EPS8: variants seen among roughly 807,000 people sequenced by gnomAD.
EPS8 encodes the protein epidermal growth factor receptor kinase substrate 8.
A neutral mutation model predicts 103.8 loss-of-function variants in EPS8; 42 were observed. That is an observed-to-expected ratio of 0.40 (90% CI 0.32 to 0.52). The LOEUF (loss-of-function observed/expected upper bound fraction) is 0.52. Ranked by LOEUF, EPS8 falls within the 20% of genes least tolerant of loss-of-function variation. The pLI is 0.40. For synonymous variants in EPS8, 344 were observed against 344.6 expected (o/e 1.00, Z 0.02); for missense variants, 969 against 1,005.1 (o/e 0.96, Z 0.49).
intron 1 of EPS8, among the ~76,000 whole-genome samples, chr12:15,719,573 C>T (rs1024815962): frequency 5.3e-5 from 8 of 152,218 alleles, no homozygotes; most frequent in Admixed American, 2.6e-4. Context: ...CAGTGATACA[C>T]TCACATTAAA....
intron 3 of EPS8, among the ~76,000 whole-genome samples, chr12:15,675,252 A>G (rs1945883583): frequency 6.6e-6 from 1 of 152,204 alleles, no homozygotes; most frequent in African/African-American, 2.4e-5. Flanking sequence ...ATAGAAAAAC[A>G]GAAATATATT....
chr12:15,696,901 T>G lies in EPS8; in HGVS notation c.-21-13929A>C, dbSNP rs1946250799. Among the ~76,000 whole-genome samples the G allele has an allele frequency of 6.6e-6, 1 of 151,904 alleles. No homozygotes were observed. Among genetic ancestry groups the G allele is most frequent in the African/African-American group, 2.4e-5 (1 of 41,340 alleles). ...GTTTGGATTAGCAGGGAAGGGAGAG[T>G]GACCAAAGAACCTTCATGTTCCCGG... is the stretch of plus-strand genomic sequence containing the variant. On this transcript the variant is annotated intron_variant, in intron 1 of 20. Transcript: ENST00000281172. The surrounding 1 kb of genome is among the most constrained non-coding windows in gnomAD (Gnocchi z 4.8).
chr12:15,725,348 T>C lies in EPS8; in HGVS notation c.-21-42376A>G, dbSNP rs1946641067. On this transcript the variant is annotated intron_variant, in intron 1 of 20. Coordinates refer to ENST00000281172, the MANE Select transcript of EPS8 (RefSeq NM_004447.6). The surrounding 1 kb of genome is among the most constrained non-coding windows in gnomAD (Gnocchi z 4.5). ...GTAGCTGGTTGCAGTGGCTCACACC[T>C]GTAATCCCAGCTACTTGGGAGGCCG... Among the ~76,000 whole-genome samples the C allele has an allele frequency of 6.6e-6, 1 of 151,856 alleles. No homozygotes were observed. Among genetic ancestry groups the C allele is most frequent in the South Asian group, 2.1e-4 (1 of 4,812 alleles).
intron 15 of EPS8, 57 bp from the exon 16 acceptor site, chr12:15,641,887 A>G (rs1169897578): frequency 1.0e-6 from 1 of 985,574 alleles, no homozygotes; most frequent in Non-Finnish European, 1.5e-6. Context: ...AAGGATAAAA[A>G]TGGAAAACAC....
At chr12:15,786,318 A>G (rs1029322359) in intron 1 of EPS8, among the ~76,000 whole-genome samples, 4 of 152,058 alleles carry the variant, frequency 2.6e-5, no homozygotes, top group African/African-American at 9.7e-5. Context: ...ATGAATTCCA[A>G]TGCAAATGTA....
At position 15,753,027 on chromosome 12, in the gene EPS8, A is replaced by C. The variant is rs76476541; in HGVS notation, c.-22+36134T>G. ...TTAAAGAAATGTGACTCAGGCAGCA[A>C]CTAGATCCTTCAGAAATTAGGATAT... On this transcript the variant is annotated intron_variant, in intron 1 of 20. Coordinates refer to ENST00000281172, the MANE Select transcript of EPS8 (RefSeq NM_004447.6). Among the ~76,000 whole-genome samples the C allele has an allele frequency of 2.0e-3, 306 of 151,842 alleles. 1 individual carries two copies. Among genetic ancestry groups the C allele is most frequent in the Admixed American group, 3.1e-3 (47 of 15,216 alleles).
chr12:15,741,545 C>T (rs1375134545), intron 1 of EPS8, among the ~76,000 whole-genome samples: 1 of 152,146 alleles, frequency 6.6e-6, no homozygotes, highest in Non-Finnish European at 1.5e-5. Flanking sequence ...ATTTATCGAG[C>T]CTGCCCCTGT....
intron 1 of EPS8, among the ~76,000 whole-genome samples, chr12:15,685,417 AC>A (rs1946078850): frequency 6.6e-6 from 1 of 151,904 alleles, no homozygotes; most frequent in African/African-American, 2.4e-5. Context: ...TATAAATTAA[AC>A]CCCCAGGGTT....
intron 1 of EPS8, among the ~76,000 whole-genome samples, chr12:15,758,571 T>C (rs1022696639): frequency 1.1e-4 from 17 of 152,204 alleles, no homozygotes; most frequent in Admixed American, 2.0e-4. Context: ...GTGGCTACCA[T>C]ACTGTACAGC....
rs1188125820 is a variant in EPS8, at chr12:15,784,673, A to G, written c.-22+4488T>C. Among the ~76,000 whole-genome samples the G allele has an allele frequency of 2.0e-5, 3 of 152,178 alleles. No homozygotes were observed. The highest frequency in any genetic ancestry group is 7.2e-5 in the African/African-American group (3 of 41,470). ...CGGATATAAGAACTTATGTCTACCC[A>G]AAAACCTGCATGTGAATATTCATAG... On this transcript the variant is annotated intron_variant, in intron 1 of 20. Coordinates refer to ENST00000281172, the MANE Select transcript of EPS8 (RefSeq NM_004447.6). The surrounding 1 kb of genome is among the most constrained non-coding windows in gnomAD (Gnocchi z 4.0).
rs141402883 is a variant in EPS8, at chr12:15,742,182, A to C, written c.-22+46979T>G. Among the ~76,000 whole-genome samples, 444 of 152,292 alleles carry C rather than the reference A, an allele frequency of 2.9e-3. 15 individuals carry two copies. In the East Asian group the frequency reaches 0.074, roughly 25 times the overall value. On this transcript the variant is annotated intron_variant, in intron 1 of 20. Coordinates refer to ENST00000281172, the MANE Select transcript of EPS8 (RefSeq NM_004447.6). ...AGTGCCGCTATAAACATATGTGTGCATGTGTCTTTATAGCAGCATGATTTA... is the reference window on the plus strand; with the variant it reads ...AGTGCCGCTATAAACATATGTGTGCCTGTGTCTTTATAGCAGCATGATTTA...
chr12:15,726,558 G>A (rs1015681371), intron 1 of EPS8, among the ~76,000 whole-genome samples: 2 of 152,130 alleles, frequency 1.3e-5, no homozygotes, highest in Non-Finnish European at 2.9e-5. Context: ...TGTCTGTGTG[G>A]TGACAGCAAA....
intron 13 of EPS8, among the ~76,000 whole-genome samples, chr12:15,651,242 T>G (rs930061084): frequency 6.6e-6 from 1 of 152,246 alleles, no homozygotes; most frequent in Non-Finnish European, 1.5e-5. Flanking sequence ...TTGCATGATC[T>G]GTTTTCCCAA....
At position 15,669,570 on chromosome 12, in the gene EPS8, C is replaced by T. The variant is rs750127654; in HGVS notation, c.367-34G>A. The T allele has an allele frequency of 2.2e-5, 35 of 1,571,390 alleles. No individual in the cohort carries two copies. The East Asian group carries it at 7.0e-4, about 31-fold the overall frequency. On this transcript the variant is annotated intron_variant, in intron 5 of 20. Coordinates refer to ENST00000281172, the MANE Select transcript of EPS8 (RefSeq NM_004447.6). ...AAAGTGAACATTTTATTTTGTCAAA[C>T]TTCCATCCATTTTCAAACAATCTGA...
chr12:15,763,161 T>A (rs748009218), intron 1 of EPS8, among the ~76,000 whole-genome samples: 1 of 152,134 alleles, frequency 6.6e-6, no homozygotes, highest in Non-Finnish European at 1.5e-5. Flanking sequence ...TATTTTAAAA[T>A]AGATAGGAGT....
At chr12:15,663,938 A>AAAAATAAT (rs1565487206) in intron 8 of EPS8, among the ~76,000 whole-genome samples, 1 of 36,414 alleles carries the variant, frequency 2.7e-5, no homozygotes, top group Non-Finnish European at 6.0e-5. Context: ...AAAAAAAAAA[A>AAAAATAAT]AAAAAAAATA....
In EPS8 at chr12:15,727,202, G is replaced by A. The variant is rs906218662; in HGVS notation, c.-21-44230C>T. Among the ~76,000 whole-genome samples the A allele has an allele frequency of 3.9e-5, 6 of 152,162 alleles. No individual in the cohort carries two copies. Among genetic ancestry groups the A allele is most frequent in the African/African-American group, 1.4e-4 (6 of 41,424 alleles). On this transcript the variant is annotated intron_variant, in intron 1 of 20. Coordinates refer to ENST00000281172, the MANE Select transcript of EPS8 (RefSeq NM_004447.6). This position sits in a 1 kb window ranked among gnomAD's most constrained non-coding sequence, Gnocchi z 4.3. ...TTTTTACAAAGCCTGGGCACCTGGG[G>A]TTCTGATTACTTCCCTCGTGGATTT... is the stretch of plus-strand genomic sequence containing the variant.
At chr12:15,689,619 A>G (rs543925090) in intron 1 of EPS8, among the ~76,000 whole-genome samples, 155 of 152,298 alleles carry the variant, frequency 1.0e-3, no homozygotes, top group Non-Finnish European at 1.6e-3. Context: ...CACCTCAAAT[A>G]TTTATCATTT....
rs1286575750 is a variant in EPS8 at position 15,717,531 on chromosome 12, C to T, written c.-21-34559G>A. Among the ~76,000 whole-genome samples, 1 of 151,940 alleles carries T rather than the reference C, an allele frequency of 6.6e-6. No individual in the cohort carries two copies. The highest frequency in any genetic ancestry group is 1.5e-5 in the Non-Finnish European group (1 of 67,994). ...AAGCCCCGGAGGCAGAGGTTGCAGT[C>T]AGCCGAGATCGTGCCATTGCACTCC... On this transcript the variant is annotated intron_variant, in intron 1 of 20. Transcript: ENST00000281172. The surrounding 1 kb of genome is among the most constrained non-coding windows in gnomAD (Gnocchi z 4.3).
Sources: gnomAD v4.1 joint callset for allele counts (sites outside exome capture counted in the v4.1 genomes callset) on GRCh38, gnomAD v4.1.1 for gene constraint, Gnocchi (gnomAD v3.1) non-coding constraint, MANE v1.5 for transcripts, NCBI Gene and HGNC (gene_info 2026-07-23, HGNC 2026-07-21) for gene names.